IRAK1BP1: variants seen among roughly 807,000 people sequenced by gnomAD.
IRAK1BP1 encodes interleukin 1 receptor associated kinase 1 binding protein 1.
IRAK1BP1 carries 24 observed loss-of-function variants against 28.0 expected under a neutral mutation model. The observed-to-expected ratio is 0.86, with a 90% CI of 0.62 to 1.20. The LOEUF (loss-of-function observed/expected upper bound fraction) is 1.20, where lower values mean the gene tolerates loss of function less well. Ranked by LOEUF, IRAK1BP1 falls within the 50% of genes most tolerant of loss-of-function variation. The probability of loss-of-function intolerance (pLI) is 0.00; values close to 1 mark genes in which losing one functional copy is unlikely to be tolerated. For synonymous variants in IRAK1BP1, 131 were observed against 116.3 expected, an observed-to-expected ratio of 1.13 and a Z score of -0.81; for missense variants, 336 against 316.7, an observed-to-expected ratio of 1.06 and a Z score of -0.46.
At chr6:78,868,312 C>T (rs1770662821) in intron 1 of IRAK1BP1, among the ~76,000 whole-genome samples, 1 of 149,408 alleles carries the variant, frequency 6.7e-6, no homozygotes, top group African/African-American at 2.6e-5. Context: ...GTGAAGAGCA[C>T]GACCTGCTTC....
the IRAK1BP1 span, chr6:78,955,481 GTT>G: frequency 3.8e-4 from 172 of 453,112 alleles, no homozygotes; most frequent in African/African-American, 6.5e-4. Flanking sequence ...ACTGCCAGTT[GTT>G]TTTTTTTTTT....
At chr6:78,947,749 T>C (rs150613208), downstream of IRAK1BP1, 86 of 1,609,244 alleles carry the variant, frequency 5.3e-5, no homozygotes, top group Non-Finnish European at 7.1e-5. Context: ...CAAAATCCAT[T>C]GGAGTGTCAA....
At chr6:78,955,243 G>T in the IRAK1BP1 span, 1 of 1,605,088 alleles carries the variant, frequency 6.2e-7, no homozygotes, top group Non-Finnish European at 8.5e-7. Context: ...TTCCTTTTTC[G>T]AGTAGAAGTT....
the IRAK1BP1 span, chr6:78,965,908 G>C: frequency 4.8e-6 from 7 of 1,463,366 alleles, no homozygotes; most frequent in Non-Finnish European, 6.7e-6. Context: ...TTCAAAGCAA[G>C]CCTAGGTGAA....
downstream of IRAK1BP1, among the ~76,000 whole-genome samples, chr6:78,947,285 A>G (rs574119276): frequency 2.0e-5 from 3 of 152,290 alleles, no homozygotes; most frequent in South Asian, 4.1e-4. Context: ...GTTAAATTAT[A>G]TTTTTACTTA....
intron 1 of IRAK1BP1, among the ~76,000 whole-genome samples, chr6:78,878,142 T>C (rs1771080531): frequency 6.6e-6 from 1 of 151,616 alleles, no homozygotes; most frequent in African/African-American, 2.4e-5. Context: ...TTGAAGAGAG[T>C]AGTGGTTCTC....
At chr6:78,909,177 T>A (rs558793253) in intron 4 of IRAK1BP1, among the ~76,000 whole-genome samples, 21 of 152,208 alleles carry the variant, frequency 1.4e-4, no homozygotes, top group Non-Finnish European at 2.4e-4. Context: ...TTTTCAACTT[T>A]ATGGTGGTGC....
In IRAK1BP1 at chr6:78,889,670, A is replaced by C. The variant is rs529383649; in HGVS notation, c.381+4227A>C. 7.2e-5 allele frequency among the ~76,000 whole-genome samples: 11 copies of C among 152,288 alleles called. 1 individual carries two copies. The South Asian group carries it at 2.3e-3, about 32-fold the overall frequency. On this transcript the variant is annotated intron_variant, in intron 2 of 3. Transcript: ENST00000369940. ...TATGCGGCCAGCAAACATGAAAAAA[A>C]GCTCATCATCACCGGTCATTAGAGA...
At chr6:78,911,609 G>A (rs1344116842) in intron 4 of IRAK1BP1, among the ~76,000 whole-genome samples, 2 of 152,164 alleles carry the variant, frequency 1.3e-5, no homozygotes, top group African/African-American at 4.8e-5. Context: ...TGAATTAGAT[G>A]ACCCTTTTGT....
the IRAK1BP1 span, among the ~76,000 whole-genome samples, chr6:78,972,469 A>T: frequency 4.6e-5 from 7 of 152,128 alleles, no homozygotes; most frequent in Non-Finnish European, 8.8e-5. Flanking sequence ...AAATCAGAGC[A>T]CCTCTCCTCC....
At chr6:78,940,778 T>C (rs1478939122) in intron 4 of IRAK1BP1, 1 of 1,613,716 alleles carries the variant, frequency 6.2e-7, no homozygotes, top group Non-Finnish European at 8.5e-7. Context: ...TAAAGAGGTG[T>C]CTTCGAACAA....
the IRAK1BP1 span, among the ~76,000 whole-genome samples, chr6:78,979,016 T>C: frequency 1.3e-5 from 2 of 152,120 alleles, no homozygotes; most frequent in Admixed American, 1.3e-4. Context: ...TAGTAGGTAT[T>C]ATAAATAATC....
At chr6:78,886,924 C>T (rs923703632) in intron 2 of IRAK1BP1, among the ~76,000 whole-genome samples, 3 of 152,164 alleles carry the variant, frequency 2.0e-5, no homozygotes, top group Admixed American at 6.6e-5. Context: ...TATAGGGATT[C>T]CAGGTAGCCA....
intron 4 of IRAK1BP1, among the ~76,000 whole-genome samples, chr6:78,923,264 G>A (rs1038686799): frequency 1.3e-5 from 2 of 152,000 alleles, no homozygotes; most frequent in African/African-American, 4.8e-5. Context: ...AAGGGCAGGG[G>A]TTTCAATCCT....
At chr6:78,968,757 A>G in the IRAK1BP1 span, among the ~76,000 whole-genome samples, 2 of 152,110 alleles carry the variant, frequency 1.3e-5, no homozygotes, top group Non-Finnish European at 2.9e-5. Flanking sequence ...CATTTTTTTA[A>G]TGCTTGGTTT....
Position 78,901,183 on chromosome 6 carries a change from CA to C in IRAK1BP1, c.*2851del, listed in dbSNP as rs1021735808. Reference sequence around the variant, plus strand: ...CAACTTAGCATGAAATACCTAAAGACAATTTTTTTTTTAAGTTAGTAGGCAC... The same window carrying C: ...CAACTTAGCATGAAATACCTAAAGACATTTTTTTTTTAAGTTAGTAGGCAC... On this transcript the variant is annotated 3_prime_UTR_variant, in exon 4 of 4. Coordinates refer to ENST00000369940, the MANE Select transcript of IRAK1BP1 (RefSeq NM_001010844.4). 9 of 108,414 alleles carry C rather than the reference CA, an allele frequency of 8.3e-5. 1 individual carries two copies. The highest frequency in any genetic ancestry group is 4.5e-4 in the Admixed American group (5 of 11,000). 6.7% of individuals were successfully genotyped at this position (108,414 alleles called of 1,614,324 possible).
intron 4 of IRAK1BP1, among the ~76,000 whole-genome samples, chr6:78,922,750 G>T (rs878893857): frequency 2.6e-5 from 4 of 152,220 alleles, no homozygotes; most frequent in African/African-American, 7.2e-5. Context: ...CAAGCCAGAA[G>T]AGAGTGGGGG....
the IRAK1BP1 span, among the ~76,000 whole-genome samples, chr6:78,953,337 G>C: frequency 1.8e-4 from 28 of 152,220 alleles, no homozygotes; most frequent in South Asian, 3.3e-3. Context: ...TCTCTGTATA[G>C]TGTTAATACT....
chr6:78,978,795 A>AG, the IRAK1BP1 span: 5 of 1,107,566 alleles, frequency 4.5e-6, no homozygotes, highest in Non-Finnish European at 6.4e-6. Context: ...AACTATAAAG[A>AG]TAATTAAATA....
Sources: allele counts gnomAD v4.1 joint callset (sites outside exome capture counted in the v4.1 genomes callset), GRCh38; gene constraint gnomAD v4.1.1; transcripts MANE v1.5; gene names NCBI Gene and HGNC (gene_info 2026-07-23, HGNC 2026-07-21).